Variants in SCUBE2 observed in about 807,000 individuals in gnomAD.
SCUBE2 encodes signal peptide, CUB and EGF-like domain-containing protein 2.
In SCUBE2, 114 loss-of-function variants were observed where a neutral mutation model predicts 125.9. That is an observed-to-expected ratio of 0.91 (90% CI 0.78 to 1.06). The LOEUF (loss-of-function observed/expected upper bound fraction) is 1.06. Among genes scored for constraint, SCUBE2 ranks in the 50% least tolerant of loss-of-function variants. The probability of loss-of-function intolerance (pLI) is 0.00; values close to 1 mark genes in which losing one functional copy is unlikely to be tolerated. For synonymous variants in SCUBE2, 459 were observed against 492.9 expected (o/e 0.93, Z 0.91); for missense variants, 1,255 against 1,301.8 (o/e 0.96, Z 0.55).
intron 19 of SCUBE2, 31 bp from the exon 20 acceptor site, chr11:9,027,592 C>G: frequency 6.3e-7 from 1 of 1,587,764 alleles, no homozygotes; most frequent in Non-Finnish European, 8.6e-7. Flanking sequence ...AGTTATGGCA[C>G]GACACTGTCA....
chr11:9,048,806 T>C (rs1038391447), intron 14 of SCUBE2, among the ~76,000 whole-genome samples: 2 of 152,150 alleles, frequency 1.3e-5, no homozygotes, highest in Non-Finnish European at 1.5e-5. Context: ...CCACATATCA[T>C]CCACTCCATG....
Position 9,047,352 on chromosome 11 carries a change from T to A in SCUBE2, c.2002+4A>T, listed in dbSNP as rs2135394010. On this transcript the variant is annotated splice_donor_region_variant and intron_variant, in intron 16 of 22. Transcript: ENST00000649792. ...TGTTAGCAAGAATGTCCCAGGCCAC[T>A]CACCACATTGGTTTTCTGCATGACC... 1 of 1,614,116 alleles carries A rather than the reference T, an allele frequency of 6.2e-7. No homozygotes were observed. The highest frequency in any genetic ancestry group is 8.5e-7 in the Non-Finnish European group (1 of 1,179,994).
At chr11:9,026,443 G>A (rs1855769617) in intron 20 of SCUBE2, 1 of 157,118 alleles carries the variant, frequency 6.4e-6, no homozygotes. Context: ...TTGTTTGTTT[G>A]TTTGTTTGTT....
intron 5 of SCUBE2, among the ~76,000 whole-genome samples, chr11:9,067,791 A>G (rs1407628992): frequency 1.3e-5 from 2 of 152,226 alleles, no homozygotes; most frequent in Non-Finnish European, 2.9e-5. Flanking sequence ...TAATAACAGA[A>G]CAATATTATT....
rs1855207545 is a variant in SCUBE2, at chr11:9,020,435, T to C, written c.*610A>G. On this transcript the variant is annotated 3_prime_UTR_variant, in exon 23 of 23. Coordinates refer to ENST00000649792, the MANE Select transcript of SCUBE2 (RefSeq NM_001367977.2). ...TTTATTTATTTCTAATTCTTTCTGC[T>C]TTTTTTTTTCACGAGCACTGCTTAG... 2 of 119,466 alleles carry C rather than the reference T, an allele frequency of 1.7e-5. No homozygotes were observed. Among genetic ancestry groups the C allele is most frequent in the South Asian group, 3.6e-4 (1 of 2,798 alleles). The allele number at this position is 119,466 out of a possible 1,614,324, so 7.4% of individuals were successfully genotyped here.
Position 9,019,857 on chromosome 11 carries a change from T to C in SCUBE2, c.*1188A>G, listed in dbSNP as rs992040014. Among the ~76,000 whole-genome samples the C allele has an allele frequency of 6.6e-6, 1 of 152,160 alleles. No homozygotes were observed. The highest frequency in any genetic ancestry group is 2.1e-4 in the South Asian group (1 of 4,828). Reference sequence around the variant, plus strand: ...TTCCTTTTTATTCACTGTAATGAGATTTTTGCTTGGGGATTTAAATGTTTA... The same window carrying C: ...TTCCTTTTTATTCACTGTAATGAGACTTTTGCTTGGGGATTTAAATGTTTA... On this transcript the variant is annotated 3_prime_UTR_variant, in exon 23 of 23. Transcript: ENST00000649792.
intron 7 of SCUBE2, among the ~76,000 whole-genome samples, chr11:9,063,849 A>G (rs1485381275): frequency 1.3e-5 from 2 of 152,260 alleles, no homozygotes; most frequent in African/African-American, 4.8e-5. Context: ...AGTTACCTAC[A>G]CTATATTTGA....
intron 10 of SCUBE2, among the ~76,000 whole-genome samples, chr11:9,055,225 T>C (rs1484975048): frequency 6.6e-6 from 1 of 152,172 alleles, no homozygotes; most frequent in Non-Finnish European, 1.5e-5. Flanking sequence ...AGTTAGTTGG[T>C]AACAAATCCA....
At chr11:9,048,204 T>TC in intron 14 of SCUBE2, 106 bp from the exon 15 acceptor site, 6 of 1,111,782 alleles carry the variant, frequency 5.4e-6, no homozygotes, top group Non-Finnish European at 7.7e-6. Flanking sequence ...CTCAAGGGAC[T>TC]AAGTGATTAT....
At chr11:9,051,047 C>T (rs1858314367) in intron 13 of SCUBE2, among the ~76,000 whole-genome samples, 1 of 152,162 alleles carries the variant, frequency 6.6e-6, no homozygotes, top group African/African-American at 2.4e-5. Context: ...CCTGTAATCC[C>T]AGCTACTCGG....
At position 9,024,516 on chromosome 11, in the gene SCUBE2, C is replaced by A. The variant is rs1048886708; in HGVS notation, c.2854+1186G>T. The A allele has an allele frequency of 4.4e-6, 3 of 683,816 alleles. No individual in the cohort carries two copies. The African/African-American group carries it at 5.5e-5, about 13-fold the overall frequency. The allele number at this position is 683,816 out of a possible 1,614,324, so 42.4% of individuals were successfully genotyped here. On this transcript the variant is annotated intron_variant, in intron 21 of 22. Transcript: ENST00000649792. ...TGGCACTTGTCATCCTAAAATCCTT[C>A]AGTGGCTTCCTCTAAGATTAAGTCT...
chr11:9,024,806 C>T (rs1237471579), intron 21 of SCUBE2, among the ~76,000 whole-genome samples: 1 of 152,220 alleles, frequency 6.6e-6, no homozygotes, highest in African/African-American at 2.4e-5. Flanking sequence ...TCTAAAAGCT[C>T]ATGTAAAATT....
chr11:9,069,428 G>T lies in SCUBE2; in HGVS notation c.585C>A (p.Ser195Arg). ...SHICKEAPRGSVACECRPGFE... is the reference protein window; with the variant it reads ...SHICKEAPRGRVACECRPGFE... ...AACCAGGCCTGCACTCACAGGCGAC[G>T]CTGCCCCTTGGGGCCTCCTTGCAGA... Residue 195 changes from serine to arginine, a missense_variant, in exon 5 of 23, where the codon AGC becomes AGA. This residue lies in a region of SCUBE2 where 362 missense variants were observed against 323.0 expected (regional missense o/e 1.12). Transcript: ENST00000649792. The T allele has an allele frequency of 6.2e-7, 1 of 1,614,220 alleles. No homozygotes were observed. The highest frequency in any genetic ancestry group is 8.5e-7 in the Non-Finnish European group (1 of 1,180,040).
chr11:9,080,098 T>C (rs914427332), intron 2 of SCUBE2, among the ~76,000 whole-genome samples: 14 of 152,206 alleles, frequency 9.2e-5, no homozygotes, highest in African/African-American at 3.1e-4. Flanking sequence ...GACAGAGGTA[T>C]AGATCAATGG....
chr11:9,069,454 T>C lies in SCUBE2; in HGVS notation c.559A>G (p.Ile187Val), dbSNP rs368638374. Residue 187 changes from isoleucine to valine, a missense_variant, in exon 5 of 23, where the codon ATC (isoleucine) becomes GTC (valine). Transcript: ENST00000649792. ...CTGCCCCTTGGGGCCTCCTTGCAGA[T>C]GTGACTACAGCCGTGATCCTTATTC... is the stretch of plus-strand genomic sequence containing the variant. ...CMNKDHGCSHICKEAPRGSVA... is the reference protein window; with the variant it reads ...CMNKDHGCSHVCKEAPRGSVA... The C allele has an allele frequency of 1.4e-5, 23 of 1,614,262 alleles. No homozygotes were observed. The African/African-American group carries it at 2.0e-4, about 14-fold the overall frequency.
chr11:9,053,990 CTTT>C (rs11474890), intron 10 of SCUBE2, among the ~76,000 whole-genome samples: 46 of 75,050 alleles, frequency 6.1e-4, no homozygotes, highest in South Asian at 2.1e-3. Context: ...AAGCTCCACT[CTTT>C]TTTTTTTTTT....
chr11:9,051,407 C>T (rs1287579979), intron 13 of SCUBE2, among the ~76,000 whole-genome samples: 1 of 152,174 alleles, frequency 6.6e-6, no homozygotes, highest in Non-Finnish European at 1.5e-5. Context: ...CGGTGAAGGG[C>T]AGATTCTCCT....
chr11:9,028,139 C>A (rs1259685835), intron 19 of SCUBE2, among the ~76,000 whole-genome samples: 4 of 152,170 alleles, frequency 2.6e-5, no homozygotes, highest in African/African-American at 9.7e-5. Context: ...GCGCCCTTCA[C>A]CTCCTGGGCT....
intron 5 of SCUBE2, among the ~76,000 whole-genome samples, chr11:9,067,711 A>C (rs1037324146): frequency 6.6e-6 from 1 of 152,214 alleles, no homozygotes; most frequent in Non-Finnish European, 1.5e-5. Context: ...TTAATGTTAA[A>C]AATGTTATAA....
Sources: gnomAD v4.1 joint callset for allele counts (sites outside exome capture counted in the v4.1 genomes callset) on GRCh38, gnomAD v4.1.1 for gene constraint, gnomAD v4.1.1 regional missense constraint, MANE v1.5 for transcripts, NCBI Gene and HGNC (gene_info 2026-07-23, HGNC 2026-07-21) for gene names.